The following THADA variants were observed in gnomAD, a reference collection of about 807,000 sequenced individuals.
THADA encodes the protein tRNA (32-2'-O)-methyltransferase regulator THADA.
Under a neutral mutation model 219.8 loss-of-function variants are expected in THADA, and 213 were observed. The observed-to-expected ratio is 0.97, with a 90% CI of 0.87 to 1.09. The LOEUF (loss-of-function observed/expected upper bound fraction) is 1.09. Ranked by LOEUF, THADA falls within the 50% of genes least tolerant of loss-of-function variation. The probability of loss-of-function intolerance (pLI) is 0.00; values close to 1 mark genes in which losing one functional copy is unlikely to be tolerated. For missense variants in THADA, 2,956 were observed against 2,311.3 expected (o/e 1.28, Z -5.72); for synonymous variants, 1,018 against 828.9 (o/e 1.23, Z -3.92).
chr2:43,270,885 G>T (rs868352456), intron 36 of THADA, among the ~76,000 whole-genome samples: 16 of 152,076 alleles, frequency 1.1e-4, no homozygotes, highest in Admixed American at 1.3e-4. Flanking sequence ...TAAATAAAAT[G>T]GAGGAAATAA....
intron 36 of THADA, among the ~76,000 whole-genome samples, chr2:43,234,012 C>T (rs928565836): frequency 5.3e-5 from 8 of 152,190 alleles, no homozygotes; most frequent in African/African-American, 1.7e-4. Flanking sequence ...CACAGGCAGA[C>T]GACCGAGAAT....
chr2:43,496,604 A>C (rs559480269), intron 25 of THADA, among the ~76,000 whole-genome samples: 1 of 152,084 alleles, frequency 6.6e-6, no homozygotes, highest in East Asian at 1.9e-4. Context: ...TCATTAGGGA[A>C]ATGCAAATCA....
intron 25 of THADA, among the ~76,000 whole-genome samples, chr2:43,488,713 G>A (rs1687220975): frequency 6.6e-6 from 1 of 152,114 alleles, no homozygotes; most frequent in South Asian, 2.1e-4. Flanking sequence ...GTATTGCTTG[G>A]TCACAGAGTA....
chr2:43,299,635 C>T (rs144112907), intron 31 of THADA, among the ~76,000 whole-genome samples: 1,744 of 152,130 alleles, frequency 0.011, 22 homozygotes, highest in Middle Eastern at 0.027. Flanking sequence ...GCACTCCAGC[C>T]TGAGCAACAG....
chr2:43,456,773 T>C (rs1683047071), intron 26 of THADA, among the ~76,000 whole-genome samples: 1 of 152,158 alleles, frequency 6.6e-6, no homozygotes, highest in African/African-American at 2.4e-5. Flanking sequence ...CTCAGCACTT[T>C]AAAGATGAGA....
At chr2:43,415,826 T>C (rs954105189) in intron 28 of THADA, among the ~76,000 whole-genome samples, 3 of 152,168 alleles carry the variant, frequency 2.0e-5, no homozygotes, top group African/African-American at 7.2e-5. Flanking sequence ...TATCAGGACA[T>C]GGCATTCTAA....
intron 21 of THADA, 116 bp from the exon 22 acceptor site, chr2:43,528,104 A>C: frequency 3.7e-6 from 2 of 544,538 alleles, no homozygotes; most frequent in Non-Finnish European, 3.2e-6. Flanking sequence ...AGCGCTTACC[A>C]TATGACAGAA....
intron 26 of THADA, among the ~76,000 whole-genome samples, chr2:43,445,031 T>G (rs1681340780): frequency 6.6e-6 from 1 of 152,138 alleles, no homozygotes; most frequent in South Asian, 2.1e-4. Flanking sequence ...TCAGTTAGTA[T>G]TTCAATCGGG....
chr2:43,541,048 G>A (rs1026305793), intron 21 of THADA, 111 bp downstream of exon 21: 2 of 1,059,414 alleles, frequency 1.9e-6, no homozygotes, highest in Admixed American at 3.6e-5. Context: ...ACATTTGTAT[G>A]ATTTTATTCA....
intron 35 of THADA, among the ~76,000 whole-genome samples, chr2:43,284,572 T>C (rs761136011): frequency 2.0e-5 from 3 of 152,200 alleles, no homozygotes; most frequent in African/African-American, 4.8e-5. Context: ...AGAAGTCTGC[T>C]GCAGGAGTGG....
intron 29 of THADA, among the ~76,000 whole-genome samples, chr2:43,389,972 T>C (rs1156354131): frequency 6.6e-6 from 1 of 152,208 alleles, no homozygotes; most frequent in Non-Finnish European, 1.5e-5. Context: ...ATGCTATAAA[T>C]TTTCTTTGTA....
At chr2:43,293,244 G>C (rs1213970672) in intron 31 of THADA, 31 bp from the exon 32 acceptor site, 1 of 1,572,546 alleles carries the variant, frequency 6.4e-7, no homozygotes, top group Non-Finnish European at 8.6e-7. Context: ...AAGGGAAAGA[G>C]ATAATCACTT....
intron 26 of THADA, among the ~76,000 whole-genome samples, chr2:43,480,823 GGAA>G (rs1686120891): frequency 6.9e-6 from 1 of 145,290 alleles, no homozygotes; most frequent in Non-Finnish European, 1.5e-5. Flanking sequence ...GTCTTGGGGG[GGAA>G]AAAAAAAAAA....
intron 22 of THADA, among the ~76,000 whole-genome samples, chr2:43,523,735 T>C (rs1232797625): frequency 6.6e-6 from 1 of 152,156 alleles, no homozygotes; most frequent in Non-Finnish European, 1.5e-5. Context: ...TTCAGGCCAA[T>C]AATGTGAAAA....
At chr2:43,554,872 T>C (rs1000435503) in intron 17 of THADA, among the ~76,000 whole-genome samples, 1 of 152,208 alleles carries the variant, frequency 6.6e-6, no homozygotes, top group Non-Finnish European at 1.5e-5. Flanking sequence ...CATAAGCGTT[T>C]CAGATTTTAT....
At chr2:43,471,478 C>T (rs990361984) in intron 26 of THADA, among the ~76,000 whole-genome samples, 2 of 152,138 alleles carry the variant, frequency 1.3e-5, no homozygotes, top group African/African-American at 4.8e-5. Flanking sequence ...CTGCAGTGAC[C>T]TATGATTGTG....
chr2:43,481,414 A>G (rs968518822), intron 26 of THADA, among the ~76,000 whole-genome samples: 1 of 152,318 alleles, frequency 6.6e-6, no homozygotes, highest in East Asian at 1.9e-4. Flanking sequence ...GACAGAATAG[A>G]GATTGTACTT....
In THADA at chr2:43,292,951, C is replaced by A; in HGVS notation, c.4701G>T (p.Lys1567Asn). 1.2e-6 allele frequency: 2 copies of A among 1,614,018 alleles called. No individual in the cohort carries two copies. Among genetic ancestry groups the A allele is most frequent in the Non-Finnish European group, 1.7e-6 (2 of 1,179,902 alleles). Residue 1567 changes from lysine (K) to asparagine (N), a missense_variant, in exon 32 of 38, where the codon AAG (lysine) becomes AAT (asparagine). By Grantham distance (94) the Lys-to-Asn change is moderately conservative. Transcript: ENST00000405975. ...RSLTLEALLE[K>N]FLAAASGLGE... is the part of the protein sequence containing the mutation. ...CAAGTCCAGAGGCTGCTGCTAAGAA[C>A]TTTTCCAAGAGGGCTTCCAGTGTTA...
At chr2:43,401,792 G>T (rs770526864) in intron 28 of THADA, among the ~76,000 whole-genome samples, 1 of 152,174 alleles carries the variant, frequency 6.6e-6, no homozygotes, top group Non-Finnish European at 1.5e-5. Flanking sequence ...AATGCTCACG[G>T]CAGACTGTGA....
Sources: gnomAD v4.1 joint callset for allele counts (sites outside exome capture counted in the v4.1 genomes callset) on GRCh38, gnomAD v4.1.1 for gene constraint, MANE v1.5 for transcripts, NCBI Gene and HGNC (gene_info 2026-07-23, HGNC 2026-07-21) for gene names.